Variants in PRKN observed in about 807,000 individuals in gnomAD.
PRKN encodes parkin RBR E3 ubiquitin protein ligase.
A neutral mutation model predicts 59.5 loss-of-function variants in PRKN; 56 were observed. The observed-to-expected ratio is 0.94, with a 90% CI of 0.76 to 1.18. The LOEUF is 1.18. Among genes scored for constraint, PRKN ranks in the 50% most tolerant of loss-of-function variants. PRKN has a pLI of 0.00. For missense variants in PRKN, 657 were observed against 596.4 expected (o/e 1.10, Z -1.06); for synonymous variants, 250 against 222.1 (o/e 1.13, Z -1.12).
chr6:162,251,071 A>C (rs1779414572), intron 3 of PRKN, among the ~76,000 whole-genome samples: 1 of 152,146 alleles, frequency 6.6e-6, no homozygotes, highest in Non-Finnish European at 1.5e-5. Flanking sequence ...TTCAAATAAG[A>C]TAGCCACACA....
At chr6:162,416,925 A>T (rs1788657292) in intron 2 of PRKN, among the ~76,000 whole-genome samples, 1 of 152,182 alleles carries the variant, frequency 6.6e-6, no homozygotes, top group Non-Finnish European at 1.5e-5. Flanking sequence ...TGTTTGAAAT[A>T]TATGGTTCAG....
chr6:162,567,748 G>A (rs1780143107), intron 1 of PRKN, among the ~76,000 whole-genome samples: 1 of 151,922 alleles, frequency 6.6e-6, no homozygotes, highest in African/African-American at 2.4e-5. Context: ...CATTCTTCTG[G>A]GAAATAGAAA....
intron 5 of PRKN, among the ~76,000 whole-genome samples, chr6:162,042,254 T>G (rs961310470): frequency 6.6e-6 from 1 of 151,792 alleles, no homozygotes; most frequent in African/African-American, 2.4e-5. Flanking sequence ...AAAGCAAACA[T>G]AAATGGAGAA....
chr6:162,687,745 A>G (rs1473329453), intron 1 of PRKN, among the ~76,000 whole-genome samples: 1 of 152,218 alleles, frequency 6.6e-6, no homozygotes, highest in African/African-American at 2.4e-5. Context: ...TTTTTATACA[A>G]GCCAAACCTA....
chr6:162,293,918 T>A (rs1219478363), intron 2 of PRKN, among the ~76,000 whole-genome samples: 3 of 152,078 alleles, frequency 2.0e-5, no homozygotes, highest in Non-Finnish European at 4.4e-5. Context: ...GACATTGTGA[T>A]CCGTCCGCCT....
chr6:161,937,177 C>G (rs1227818069), intron 6 of PRKN, among the ~76,000 whole-genome samples: 1 of 152,202 alleles, frequency 6.6e-6, no homozygotes, highest in Non-Finnish European at 1.5e-5. Context: ...ATGCCAGCAG[C>G]CTCAGTTCCT....
intron 2 of PRKN, among the ~76,000 whole-genome samples, chr6:162,296,712 A>G (rs946231682): frequency 2.0e-5 from 3 of 152,146 alleles, no homozygotes; most frequent in Admixed American, 2.0e-4. Context: ...AAAGCCAATT[A>G]ATTTACGTAT....
chr6:162,652,665 T>C (rs1778490364), intron 1 of PRKN, among the ~76,000 whole-genome samples: 2 of 151,986 alleles, frequency 1.3e-5, no homozygotes, highest in Non-Finnish European at 2.9e-5. Context: ...ACCAGCCAGG[T>C]GTGGTGGCTC....
chr6:162,366,453 A>G (rs1785442491), intron 2 of PRKN, among the ~76,000 whole-genome samples: 1 of 152,182 alleles, frequency 6.6e-6, no homozygotes, highest in South Asian at 2.1e-4. Context: ...AAAAATAGTC[A>G]TGGTGGACAT....
chr6:162,311,912 C>G (rs1233355052), intron 2 of PRKN, among the ~76,000 whole-genome samples: 1 of 152,004 alleles, frequency 6.6e-6, no homozygotes, highest in African/African-American at 2.4e-5. Context: ...ACATCCCCCA[C>G]AACTATCCCT....
chr6:161,904,994 T>G (rs985662361), intron 6 of PRKN, among the ~76,000 whole-genome samples: 2 of 152,126 alleles, frequency 1.3e-5, no homozygotes, highest in Non-Finnish European at 2.9e-5. Flanking sequence ...TACACGGACT[T>G]AAATTTTGTT....
At chr6:161,785,140 T>A (rs563582810) in intron 7 of PRKN, among the ~76,000 whole-genome samples, 1 of 152,026 alleles carries the variant, frequency 6.6e-6, no homozygotes, top group Admixed American at 6.6e-5. Context: ...GGGTAGGAGG[T>A]GTTCAGAAAG....
At chr6:162,025,995 G>A (rs561467167) in intron 5 of PRKN, among the ~76,000 whole-genome samples, 1 of 152,272 alleles carries the variant, frequency 6.6e-6, no homozygotes, top group South Asian at 2.1e-4. Flanking sequence ...GTCAAGGAAA[G>A]GTTAACAATC....
At chr6:161,744,188 TTC>T (rs1788317918) in intron 7 of PRKN, among the ~76,000 whole-genome samples, 12 of 151,558 alleles carry the variant, frequency 7.9e-5, no homozygotes, top group Admixed American at 7.9e-4. Flanking sequence ...CTGTTTTTTT[TTC>T]TTTTTTTTTT....
rs1788738356 is a variant in PRKN, at chr6:162,418,104, C to T, written c.171+25206G>A. Among the ~76,000 whole-genome samples, 3 of 152,052 alleles carry T rather than the reference C, an allele frequency of 2.0e-5. No homozygotes were observed. In the South Asian group the frequency reaches 6.2e-4, roughly 32 times the overall value. ...ACGATACTCAACAAGTAGAAACAAC[C>T]CAAATGTCCATCAACTCATTAGTGG... On this transcript the variant is annotated intron_variant, in intron 2 of 11. Transcript: ENST00000366898.
intron 2 of PRKN, among the ~76,000 whole-genome samples, chr6:162,439,958 G>T (rs1368994200): frequency 6.6e-6 from 1 of 152,064 alleles, no homozygotes; most frequent in East Asian, 1.9e-4. Flanking sequence ...TGTCTACATA[G>T]CGGTTGGCAC....
intron 3 of PRKN, among the ~76,000 whole-genome samples, chr6:162,254,131 T>G (rs1250117418): frequency 1.3e-5 from 2 of 152,084 alleles, no homozygotes; most frequent in Non-Finnish European, 2.9e-5. Context: ...CGTCTTTGAC[T>G]AGGTAAAGAT....
intron 3 of PRKN, among the ~76,000 whole-genome samples, chr6:162,251,741 G>A (rs968162958): frequency 6.6e-6 from 1 of 152,148 alleles, no homozygotes; most frequent in Admixed American, 6.6e-5. Flanking sequence ...TATAGAGTAA[G>A]ATCACAAACT....
At chr6:162,619,381 C>T (rs552193630) in intron 1 of PRKN, among the ~76,000 whole-genome samples, 10 of 151,354 alleles carry the variant, frequency 6.6e-5, no homozygotes, top group Admixed American at 4.6e-4. Flanking sequence ...CTCTTGACCT[C>T]GCAATCCGCC....
Sources: allele counts gnomAD v4.1 joint callset (sites outside exome capture counted in the v4.1 genomes callset), GRCh38; gene constraint gnomAD v4.1.1; transcripts MANE v1.5; gene names NCBI Gene and HGNC (gene_info 2026-07-23, HGNC 2026-07-21).